The following ACTA2 variants were observed in gnomAD, a reference collection of about 807,000 sequenced individuals.
ACTA2 encodes the protein actin alpha 2, smooth muscle, also known as actin, aortic smooth muscle.
Under a neutral mutation model 39.5 loss-of-function variants are expected in ACTA2, and 12 were observed. That is an observed-to-expected ratio of 0.30 (90% CI 0.19 to 0.49). The LOEUF (loss-of-function observed/expected upper bound fraction) is 0.49, where lower values mean the gene tolerates loss of function less well. Among genes scored for constraint, ACTA2 ranks in the 20% least tolerant of loss-of-function variants. The probability of loss-of-function intolerance (pLI) is 0.99; values close to 1 mark genes in which losing one functional copy is unlikely to be tolerated. For synonymous variants in ACTA2, 158 were observed against 180.6 expected, an observed-to-expected ratio of 0.88 and a Z score of 1.00; for missense variants, 236 against 498.8, an observed-to-expected ratio of 0.47 and a Z score of 5.02.
At chr10:88,973,032 TG>T in intron 1 of ACTA2, 1 of 879,530 alleles carries the variant, frequency 1.1e-6, no homozygotes, top group South Asian at 2.2e-5. Context: ...ATTTAGAGTT[TG>T]TAGTTGTTTT....
intron 4 of ACTA2, among the ~76,000 whole-genome samples, chr10:88,942,910 A>C (rs1471105935): frequency 6.6e-6 from 1 of 152,214 alleles, no homozygotes; most frequent in Non-Finnish European, 1.5e-5. Context: ...AAGGCCTTGC[A>C]GTTATTTACA....
chr10:88,938,705 G>T (rs1275533212), intron 7 of ACTA2, among the ~76,000 whole-genome samples: 1 of 112,728 alleles, frequency 8.9e-6, no homozygotes. Flanking sequence ...GTTGGAAAAG[G>T]CTCATTTTTC....
intron 1 of ACTA2, chr10:88,974,992 A>T (rs1216308607): frequency 6.6e-6 from 1 of 152,200 alleles, no homozygotes; most frequent in Non-Finnish European, 1.5e-5. Context: ...GAGGAAAATA[A>T]TAAGTTTATT....
At chr10:88,985,586 C>T (rs915304934) in intron 1 of ACTA2, among the ~76,000 whole-genome samples, 5 of 152,206 alleles carry the variant, frequency 3.3e-5, no homozygotes, top group Admixed American at 2.0e-4. Context: ...CCATTATCTC[C>T]CTCAAGCTGT....
In ACTA2 at chr10:88,941,089, T is replaced by C; in HGVS notation, c.616+140A>G. Reference sequence around the variant, plus strand: ...CAACTTCACACAGCAAAGAAAGATGTGCTTTGCTCTGTGCATTAGAGCCAG... The same window carrying C: ...CAACTTCACACAGCAAAGAAAGATGCGCTTTGCTCTGTGCATTAGAGCCAG... On this transcript the variant is annotated intron_variant, in intron 6 of 8. Transcript: ENST00000224784. 17 of 1,035,986 alleles carry C rather than the reference T, an allele frequency of 1.6e-5. No individual in the cohort carries two copies. In the South Asian group the frequency reaches 2.3e-4, roughly 14 times the overall value. The allele number at this position is 1,035,986 out of a possible 1,614,324, so 64.2% of individuals were successfully genotyped here. A position where few individuals can be genotyped will look rare whatever the true frequency, so the allele number is the denominator to read the frequency against.
At chr10:88,979,781 ACT>A (rs1332905264) in intron 1 of ACTA2, among the ~76,000 whole-genome samples, 8 of 152,118 alleles carry the variant, frequency 5.3e-5, no homozygotes, top group Non-Finnish European at 1.0e-4. Context: ...TTTAGTCCTG[ACT>A]CTCTAATCAA....
chr10:88,952,365 T>G (rs1031652110), intron 1 of ACTA2, among the ~76,000 whole-genome samples: 2 of 152,250 alleles, frequency 1.3e-5, no homozygotes, highest in African/African-American at 4.8e-5. Context: ...CAGAAAGAAA[T>G]CTGAGTTTCC....
intron 1 of ACTA2, among the ~76,000 whole-genome samples, chr10:88,979,578 C>T (rs1846658797): frequency 6.6e-6 from 1 of 151,996 alleles, no homozygotes; most frequent in South Asian, 2.1e-4. Flanking sequence ...GCTGTTCTCT[C>T]TCACTCTCCC....
At chr10:88,937,191 A>G (rs953668205) in intron 8 of ACTA2, among the ~76,000 whole-genome samples, 7 of 145,974 alleles carry the variant, frequency 4.8e-5, no homozygotes, top group Admixed American at 2.7e-4. Context: ...TGGAGAGAGA[A>G]AGTGTGCATG....
At chr10:88,949,582 C>T (rs1355673397) in intron 1 of ACTA2, among the ~76,000 whole-genome samples, 1 of 152,010 alleles carries the variant, frequency 6.6e-6, no homozygotes, top group Non-Finnish European at 1.5e-5. Context: ...TTAGGGGCTG[C>T]AATTATCCAC....
At chr10:88,967,813 T>A (rs539465082) in intron 1 of ACTA2, among the ~76,000 whole-genome samples, 5 of 152,314 alleles carry the variant, frequency 3.3e-5, no homozygotes, top group Admixed American at 2.0e-4. Flanking sequence ...ATTTCAATCA[T>A]CCCTAAATTT....
chr10:88,937,589 A>C (rs1296317195), intron 8 of ACTA2, among the ~76,000 whole-genome samples: 1 of 152,190 alleles, frequency 6.6e-6, no homozygotes, highest in African/African-American at 2.4e-5. Flanking sequence ...CAGAGGAATG[A>C]GGATAAAATT....
At chr10:88,946,062 TTTAA>T (rs1845941279) in intron 3 of ACTA2, among the ~76,000 whole-genome samples, 1 of 152,214 alleles carries the variant, frequency 6.6e-6, no homozygotes, top group Non-Finnish European at 1.5e-5. Flanking sequence ...ACTATCATCC[TTTAA>T]TTAGTTAATA....
Position 88,961,097 on chromosome 10 carries a change from CACTT to C in ACTA2, c.-23-12148_-23-12145del, listed in dbSNP as rs1160407316. On this transcript the variant is annotated intron_variant, in intron 1 of 4. Coordinates refer to the ACTA2 transcript ENST00000415557. ...GTCAGAAGTGAGGACTATGGGGAGA[CACTT>C]AATGCACTGAAGTGATGTGAGGTAG... Among the ~76,000 whole-genome samples the C allele has an allele frequency of 1.2e-4, 19 of 152,258 alleles. No homozygotes were observed. The East Asian group carries it at 3.7e-3, about 29-fold the overall frequency.
At chr10:88,982,222 C>T (rs1846728549) in intron 1 of ACTA2, among the ~76,000 whole-genome samples, 1 of 152,162 alleles carries the variant, frequency 6.6e-6, no homozygotes, top group Non-Finnish European at 1.5e-5. Context: ...GAAGACCTAC[C>T]TCCCAAGATT....
Position 88,949,079 on chromosome 10 carries a change from C to T in ACTA2, c.-23-126G>A, listed in dbSNP as rs890573906. On this transcript the variant is annotated intron_variant, in intron 1 of 8. Transcript: ENST00000224784. ...TGTGTCCTAGTGCTATCCTCTGACC[C>T]TTATCTAATATAGCATGTATCTGGA... 14 of 813,980 alleles carry T rather than the reference C, an allele frequency of 1.7e-5. No homozygotes were observed. In the African/African-American group the frequency reaches 2.4e-4, roughly 14 times the overall value. The allele number at this position is 813,980 out of a possible 1,614,324, so 50.4% of individuals were successfully genotyped here. A position where few individuals can be genotyped will look rare whatever the true frequency, so the allele number is the denominator to read the frequency against.
Position 88,990,587 on chromosome 10 carries a change from T to C in ACTA2, c.-24+352A>G, listed in dbSNP as rs1589438710. On this transcript the variant is annotated intron_variant, in intron 1 of 4. Coordinates refer to the ACTA2 transcript ENST00000415557. The surrounding 1 kb of genome is among the most constrained non-coding windows in gnomAD (Gnocchi z 4.9). Reference sequence around the variant, plus strand: ...AATGGAGCCCTCCCCAACCCGGGCGTTCCCCAGCGAGGCTTCCTTCCCATC... The same window carrying C: ...AATGGAGCCCTCCCCAACCCGGGCGCTCCCCAGCGAGGCTTCCTTCCCATC... 1.5e-6 allele frequency: 1 copy of C among 669,016 alleles called. No homozygotes were observed. Among genetic ancestry groups the C allele is most frequent in the Non-Finnish European group, 2.7e-6 (1 of 364,978 alleles). 41.4% of individuals were successfully genotyped at this position (669,016 alleles called of 1,614,324 possible). A position where few individuals can be genotyped will look rare whatever the true frequency, so the allele number is the denominator to read the frequency against.
intron 1 of ACTA2, among the ~76,000 whole-genome samples, chr10:88,967,126 A>G (rs1268703362): frequency 6.6e-6 from 1 of 152,220 alleles, no homozygotes; most frequent in African/African-American, 2.4e-5. Context: ...CAAGAATTTT[A>G]AAAGCTGCAA....
chr10:88,989,206 T>TAAGTAA (rs1847021348), intron 1 of ACTA2, among the ~76,000 whole-genome samples: 2 of 152,248 alleles, frequency 1.3e-5, no homozygotes, highest in Non-Finnish European at 2.9e-5. Flanking sequence ...TGTGAGTTGC[T>TAAGTAA]GGCTTATAAT....
Sources: gnomAD v4.1 joint callset for allele counts (sites outside exome capture counted in the v4.1 genomes callset) on GRCh38, gnomAD v4.1.1 for gene constraint, Gnocchi (gnomAD v3.1) non-coding constraint, MANE v1.5 for transcripts, NCBI Gene and HGNC (gene_info 2026-07-23, HGNC 2026-07-21) for gene names.